CDH13: variants seen among roughly 807,000 people sequenced by gnomAD.
The protein encoded by CDH13 is cadherin 13, also known as cadherin-13.
CDH13 carries 24 observed loss-of-function variants against 63.8 expected under a neutral mutation model. That is an observed-to-expected ratio of 0.38 (90% CI 0.27 to 0.53). The LOEUF is 0.53. CDH13 is among the 20% of genes least tolerant of loss of function. The probability of loss-of-function intolerance (pLI) is 0.85; values close to 1 mark genes in which losing one functional copy is unlikely to be tolerated. For synonymous variants in CDH13, 503 were observed against 355.3 expected, an observed-to-expected ratio of 1.42 and a Z score of -4.67; for missense variants, 1,049 against 903.1, an observed-to-expected ratio of 1.16 and a Z score of -2.07.
chr16:83,142,405 C>T (rs1172005609), intron 4 of CDH13, among the ~76,000 whole-genome samples: 3 of 152,032 alleles, frequency 2.0e-5, no homozygotes, highest in Non-Finnish European at 2.9e-5. Flanking sequence ...CAGGACCCAC[C>T]TGGGCCTCCC....
At chr16:83,709,053 A>T (rs76421473) in intron 10 of CDH13, among the ~76,000 whole-genome samples, 1 of 152,166 alleles carries the variant, frequency 6.6e-6, no homozygotes, top group Non-Finnish European at 1.5e-5. Flanking sequence ...TAAAAATTAA[A>T]TTAAAAAATT....
chr16:82,785,575 A>G (rs1308699406), intron 1 of CDH13, among the ~76,000 whole-genome samples: 1 of 152,214 alleles, frequency 6.6e-6, no homozygotes, highest in Non-Finnish European at 1.5e-5. Flanking sequence ...ACTTGATTTT[A>G]ATAACATATA....
chr16:83,635,744 A>AATCT (rs1911202005), intron 8 of CDH13, among the ~76,000 whole-genome samples: 2 of 152,028 alleles, frequency 1.3e-5, no homozygotes, highest in Non-Finnish European at 2.9e-5. Flanking sequence ...TATTTATCTC[A>AATCT]ATCTGTGGCT....
intron 2 of CDH13, among the ~76,000 whole-genome samples, chr16:83,000,220 CTTATTTTTTTT>C (rs1912722872): frequency 8.2e-4 from 28 of 33,962 alleles, no homozygotes; most frequent in Middle Eastern, 0.017. Context: ...ACAGGTTTAG[CTTATTTTTTTT>C]TTTTTTTTTT....
At chr16:83,323,174 T>TTCTTTCTTTC (rs1555530163) in intron 5 of CDH13, among the ~76,000 whole-genome samples, 13 of 82,240 alleles carry the variant, frequency 1.6e-4, no homozygotes, top group African/African-American at 2.4e-4. Context: ...TCTCTTTCTT[T>TTCTTTCTTTC]TTTCTTTCTT....
Position 83,668,409 on chromosome 16 carries a change from A to G in CDH13, c.1102-2381A>G, listed in dbSNP as rs528406522. The stretch of plus-strand genomic sequence containing the variant: ...CAATGACACTCATCTGCTTTGACAG[A>G]GCAACTTCTCACTTATGCACTGGAC... On this transcript the variant is annotated intron_variant, in intron 8 of 13. Coordinates refer to ENST00000567109, the MANE Select transcript of CDH13 (RefSeq NM_001257.5). Among the ~76,000 whole-genome samples the G allele has an allele frequency of 3.3e-5, 5 of 152,322 alleles. No individual in the cohort carries two copies. The South Asian group carries it at 1.0e-3, about 32-fold the overall frequency.
chr16:83,678,962 A>G (rs1365593102), intron 10 of CDH13, among the ~76,000 whole-genome samples: 5 of 152,188 alleles, frequency 3.3e-5, no homozygotes, highest in Non-Finnish European at 7.3e-5. Flanking sequence ...ACACTCTGCA[A>G]AGTTCATGCT....
At chr16:82,777,600 A>C (rs2035556643) in intron 1 of CDH13, among the ~76,000 whole-genome samples, 1 of 152,214 alleles carries the variant, frequency 6.6e-6, no homozygotes, top group Non-Finnish European at 1.5e-5. Context: ...AATCACCCCA[A>C]AACTTAGCAG....
At chr16:83,390,698 GA>G in intron 6 of CDH13, among the ~76,000 whole-genome samples, 1 of 152,166 alleles carries the variant, frequency 6.6e-6, no homozygotes, top group Admixed American at 6.5e-5. Flanking sequence ...AGTGCTCAGG[GA>G]AGTTAAGAAA....
At chr16:83,783,132 C>A (rs1199097760) in intron 12 of CDH13, 122 bp from the exon 13 acceptor site, 5 of 683,036 alleles carry the variant, frequency 7.3e-6, no homozygotes, top group Non-Finnish European at 1.3e-5. Context: ...TAAATGTAAG[C>A]ATTCGCACAA....
chr16:83,665,236 A>G (rs1291419994), intron 8 of CDH13, among the ~76,000 whole-genome samples: 1 of 152,224 alleles, frequency 6.6e-6, no homozygotes, highest in East Asian at 1.9e-4. Flanking sequence ...TAACTACATT[A>G]TATGGCAGAC....
At chr16:83,133,312 A>G (rs557303054) in intron 4 of CDH13, among the ~76,000 whole-genome samples, 1 of 152,228 alleles carries the variant, frequency 6.6e-6, no homozygotes, top group Admixed American at 6.5e-5. Context: ...CACGAACACA[A>G]AAAGAATGGA....
intron 3 of CDH13, among the ~76,000 whole-genome samples, chr16:83,121,425 T>C (rs1304704420): frequency 6.6e-6 from 1 of 152,230 alleles, no homozygotes; most frequent in Non-Finnish European, 1.5e-5. Flanking sequence ...AGATTTACTT[T>C]GGAGGTCTGT....
chr16:83,128,514 A>C (rs560427048), intron 4 of CDH13, among the ~76,000 whole-genome samples: 1 of 152,210 alleles, frequency 6.6e-6, no homozygotes, highest in Non-Finnish European at 1.5e-5. Flanking sequence ...TTCAGTTGCA[A>C]TTCCATTAAT....
rs937424933 is a variant in CDH13 at position 82,644,945 on chromosome 16, A to T, written c.45+17808A>T. ...ATCAAAAAATTACTTGTATAAACTA[A>T]TATTTTGGAAAACTCTGGAGTTAGA... On this transcript the variant is annotated intron_variant, in intron 1 of 13. Transcript: ENST00000567109. The surrounding 1 kb of genome is among the most constrained non-coding windows in gnomAD (Gnocchi z 5.7). Among the ~76,000 whole-genome samples, 1 of 152,188 alleles carries T rather than the reference A, an allele frequency of 6.6e-6. No homozygotes were observed. Among genetic ancestry groups the T allele is most frequent in the Admixed American group, 6.5e-5 (1 of 15,284 alleles).
intron 1 of CDH13, among the ~76,000 whole-genome samples, chr16:82,856,693 CAAAAAAAAAAAAAAAA>C (rs56106728): frequency 3.0e-4 from 15 of 49,550 alleles, no homozygotes; most frequent in African/African-American, 1.1e-3. Flanking sequence ...GACTCGGTCT[CAAAAAAAAAAAAAAAA>C]AAAAAAAAAA....
intron 8 of CDH13, among the ~76,000 whole-genome samples, chr16:83,622,047 T>TA (rs528633528): frequency 1.9e-4 from 29 of 152,194 alleles, no homozygotes; most frequent in African/African-American, 6.3e-4. Context: ...AAAGAATAGA[T>TA]AAAAAAATTC....
chr16:83,643,397 G>A (rs1028708111), intron 8 of CDH13, among the ~76,000 whole-genome samples: 8 of 149,800 alleles, frequency 5.3e-5, no homozygotes, highest in South Asian at 2.1e-4. Flanking sequence ...ATTTACAAAC[G>A]TGTGATCACA....
chr16:83,773,014 T>C (rs1354188106), intron 11 of CDH13: 1 of 152,244 alleles, frequency 6.6e-6, no homozygotes, highest in Non-Finnish European at 1.5e-5. Flanking sequence ...TACTGGAAGA[T>C]GTTTGTGGGG....
Sources: gnomAD v4.1 joint callset for allele counts (sites outside exome capture counted in the v4.1 genomes callset) on GRCh38, gnomAD v4.1.1 for gene constraint, Gnocchi (gnomAD v3.1) non-coding constraint, MANE v1.5 for transcripts, NCBI Gene and HGNC (gene_info 2026-07-23, HGNC 2026-07-21) for gene names.